Variants in TAMM41 observed in about 807,000 individuals in gnomAD.
TAMM41 encodes the protein TAM41 mitochondrial translocator assembly and maintenance homolog, also known as phosphatidate cytidylyltransferase, mitochondrial.
TAMM41 carries 36 observed loss-of-function variants against 44.1 expected under a neutral mutation model. The observed-to-expected ratio is 0.82, with a 90% CI of 0.63 to 1.08. TAMM41 has a LOEUF of 1.08. TAMM41 is among the 50% of genes least tolerant of loss of function. The pLI is 0.00. For missense variants in TAMM41, 417 were observed against 404.3 expected (o/e 1.03, Z -0.27); for synonymous variants, 164 against 153.1 (o/e 1.07, Z -0.53).
chr3:11,819,226 G>A (rs1049249255), intron 4 of TAMM41, among the ~76,000 whole-genome samples: 1 of 152,140 alleles, frequency 6.6e-6, no homozygotes, highest in Non-Finnish European at 1.5e-5. Context: ...GAAACACAGA[G>A]TAAGACAGAA....
At chr3:11,777,006 G>T in the TAMM41 span, among the ~76,000 whole-genome samples, 1 of 152,196 alleles carries the variant, frequency 6.6e-6, no homozygotes, top group Non-Finnish European at 1.5e-5. Context: ...GGAATGGGAA[G>T]ATTTTGGTGA....
the TAMM41 span, among the ~76,000 whole-genome samples, chr3:11,773,711 C>T: frequency 6.6e-6 from 1 of 152,202 alleles, no homozygotes. Flanking sequence ...TTTAATTAAG[C>T]AGAATGTTTC....
At chr3:11,761,413 C>T in the TAMM41 span, among the ~76,000 whole-genome samples, 2 of 152,184 alleles carry the variant, frequency 1.3e-5, no homozygotes, top group South Asian at 2.1e-4. Flanking sequence ...TATCCAGCCC[C>T]TGTGGCTCCT....
chr3:11,844,945 G>T (rs1439164910), intron 1 of TAMM41: 1 of 456,744 alleles, frequency 2.2e-6, no homozygotes, highest in Non-Finnish European at 4.4e-6. Flanking sequence ...TTCTCCTAGA[G>T]ATGACAAATC....
the TAMM41 span, among the ~76,000 whole-genome samples, chr3:11,785,310 G>A: frequency 6.6e-6 from 1 of 151,960 alleles, no homozygotes; most frequent in Non-Finnish European, 1.5e-5. Flanking sequence ...GTTGTCAAGT[G>A]GCATCTGGTT....
chr3:11,786,538 C>T (rs1328527863), downstream of TAMM41, among the ~76,000 whole-genome samples: 16 of 151,654 alleles, frequency 1.1e-4, no homozygotes, highest in Non-Finnish European at 1.9e-4. Flanking sequence ...CTCCTGACCT[C>T]GTGATCCACC....
At chr3:11,813,324 G>A (rs565699638) in intron 5 of TAMM41, among the ~76,000 whole-genome samples, 1 of 152,280 alleles carries the variant, frequency 6.6e-6, no homozygotes, top group East Asian at 1.9e-4. Context: ...GAGGTCAGGA[G>A]TTCAAGACTA....
the TAMM41 span, among the ~76,000 whole-genome samples, chr3:11,739,756 G>T: frequency 4.1e-5 from 6 of 148,046 alleles, no homozygotes; most frequent in Non-Finnish European, 8.9e-5. Context: ...TCAGGATGTT[G>T]TATGCTCACT....
intron 7 of TAMM41, 54 bp downstream of exon 7, chr3:11,807,779 G>GGTCT: frequency 6.5e-7 from 1 of 1,536,056 alleles, no homozygotes; most frequent in Non-Finnish European, 8.7e-7. Flanking sequence ...AACCAAGAGT[G>GGTCT]TGGAAGCCAC....
chr3:11,729,521 CTTTCTTTTCTTTCTTTCATTTT>C, the TAMM41 span, among the ~76,000 whole-genome samples: 120 of 93,984 alleles, frequency 1.3e-3, 19 homozygotes, highest in East Asian at 0.044. Flanking sequence ...TTCTTTCTTT[CTTTCTTTTCTTTCTTTCATTTT>C]TTTTTTTTTT....
chr3:11,758,133 G>A, the TAMM41 span, among the ~76,000 whole-genome samples: 4 of 152,170 alleles, frequency 2.6e-5, no homozygotes, highest in African/African-American at 7.2e-5. Flanking sequence ...AGTGGTGGCA[G>A]CAGACAGCAA....
chr3:11,757,148 G>C, the TAMM41 span, among the ~76,000 whole-genome samples: 1 of 152,184 alleles, frequency 6.6e-6, no homozygotes, highest in African/African-American at 2.4e-5. Context: ...AGGTCACTGA[G>C]CTGAATCTGT....
At chr3:11,842,391 T>A (rs2079489527) in intron 2 of TAMM41, among the ~76,000 whole-genome samples, 1 of 20,578 alleles carries the variant, frequency 4.9e-5, no homozygotes, top group East Asian at 1.1e-3. Context: ...CAAAACTCCA[T>A]CTCAAAAAAA....
At chr3:11,838,112 G>T (rs1158991239) in intron 3 of TAMM41, among the ~76,000 whole-genome samples, 1 of 152,204 alleles carries the variant, frequency 6.6e-6, no homozygotes, top group Non-Finnish European at 1.5e-5. Context: ...AGTCCAGGCT[G>T]CCTGTACTCT....
the TAMM41 span, among the ~76,000 whole-genome samples, chr3:11,731,138 C>T: frequency 6.6e-6 from 1 of 152,130 alleles, no homozygotes; most frequent in Non-Finnish European, 1.5e-5. Context: ...GATTACCCAG[C>T]AAGCAGGCTA....
At chr3:11,737,317 T>C in the TAMM41 span, among the ~76,000 whole-genome samples, 3 of 121,798 alleles carry the variant, frequency 2.5e-5, no homozygotes, top group South Asian at 2.6e-4. Flanking sequence ...TTATTATTAT[T>C]ATTATTATCA....
At chr3:11,728,409 A>G in the TAMM41 span, among the ~76,000 whole-genome samples, 2 of 152,378 alleles carry the variant, frequency 1.3e-5, no homozygotes, top group East Asian at 3.9e-4. Flanking sequence ...ACAGATTCAG[A>G]GAGTAGTAAA....
chr3:11,821,054 A>T (rs933572124), intron 4 of TAMM41, among the ~76,000 whole-genome samples: 3 of 152,154 alleles, frequency 2.0e-5, no homozygotes, highest in African/African-American at 7.2e-5. Flanking sequence ...TTCACTGTAA[A>T]ATGGCTTAAT....
the TAMM41 span, among the ~76,000 whole-genome samples, chr3:11,739,038 C>T: frequency 1.3e-5 from 2 of 152,354 alleles, no homozygotes; most frequent in East Asian, 1.9e-4. Context: ...TCTACTCTCT[C>T]ATGTCTCCAA....
Sources: allele counts gnomAD v4.1 joint callset (sites outside exome capture counted in the v4.1 genomes callset), GRCh38; gene constraint gnomAD v4.1.1; transcripts MANE v1.5; gene names NCBI Gene and HGNC (gene_info 2026-07-23, HGNC 2026-07-21).